Variants in CEP43 observed in about 807,000 individuals in gnomAD.
CEP43 encodes the protein centrosomal protein 43.
CEP43 carries 36 observed loss-of-function variants against 52.6 expected under a neutral mutation model. The observed-to-expected ratio is 0.68, with a 90% CI of 0.52 to 0.90. CEP43 has a LOEUF of 0.90. Among genes scored for constraint, CEP43 ranks in the 40% least tolerant of loss-of-function variants. The pLI, the probability that CEP43 is intolerant of heterozygous loss-of-function variation, is 0.00. For synonymous variants in CEP43, 192 were observed against 172.4 expected (o/e 1.11, Z -0.89); for missense variants, 506 against 472.8 (o/e 1.07, Z -0.65).
chr6:167,030,802 A>G (rs73030112), intron 10 of CEP43, among the ~76,000 whole-genome samples: 2,784 of 152,072 alleles, frequency 0.018, 46 homozygotes, highest in East Asian at 0.091. Flanking sequence ...TCTCTGGGAA[A>G]ACAGAAGTGA....
rs1780810415 is a variant in CEP43, at chr6:167,047,143, A to G, written c.*7165A>G. On this transcript the variant is annotated 3_prime_UTR_variant, in exon 13 of 13. Coordinates refer to ENST00000366847, the MANE Select transcript of CEP43 (RefSeq NM_007045.4). Reference sequence around the variant, plus strand: ...ACCTTCTTCAGAGAGGGGATGTTCAATGCGAAATTTGAACATTGGGACCTG... The same window carrying G: ...ACCTTCTTCAGAGAGGGGATGTTCAGTGCGAAATTTGAACATTGGGACCTG... 6.6e-6 allele frequency: 1 copy of G among 152,296 alleles called. No homozygotes were observed. The highest frequency in any genetic ancestry group is 1.5e-5 in the Non-Finnish European group (1 of 68,120). 9.4% of individuals were successfully genotyped at this position (152,296 alleles called of 1,614,324 possible). A position where few individuals can be genotyped will look rare whatever the true frequency, so the allele number is the denominator to read the frequency against.
rs892262316 is a variant in CEP43, at chr6:167,041,508, G to A, written c.*1530G>A. The stretch of plus-strand genomic sequence containing the variant: ...TAATCTTGTTGCAGTCCCCCAGTGT[G>A]GTTGTTATAAAATGCATTTCTTTGT... On this transcript the variant is annotated 3_prime_UTR_variant, in exon 13 of 13. Coordinates refer to ENST00000366847, the MANE Select transcript of CEP43 (RefSeq NM_007045.4). 3.8e-6 allele frequency: 4 copies of A among 1,055,000 alleles called. No individual in the cohort carries two copies. In the African/African-American group the frequency reaches 6.6e-5, roughly 17 times the overall value. The allele number at this position is 1,055,000 out of a possible 1,614,324, so 65.4% of individuals were successfully genotyped here. A position where few individuals can be genotyped will look rare whatever the true frequency, so the allele number is the denominator to read the frequency against.
Position 166,999,709 on chromosome 6 carries a change from C to T in CEP43, c.102+195C>T, listed in dbSNP as rs1003856888. 12 of 485,760 alleles carry T rather than the reference C, an allele frequency of 2.5e-5. 1 individual carries two copies. The South Asian group carries it at 3.2e-4, about 13-fold the overall frequency. The allele number at this position is 485,760 out of a possible 1,614,324, so 30.1% of individuals were successfully genotyped here. A position where few individuals can be genotyped will look rare whatever the true frequency, so the allele number is the denominator to read the frequency against. On this transcript the variant is annotated intron_variant, in intron 1 of 12. Transcript: ENST00000366847. ...GTCGGCTCGTTCGTTCGTGTGGTCC[C>T]GGAGGGCACCGCGGACTGGGGGTGC... is the stretch of plus-strand genomic sequence containing the variant.
Position 167,044,313 on chromosome 6 carries a change from T to A in CEP43, c.*4335T>A, listed in dbSNP as rs1300060601. On this transcript the variant is annotated 3_prime_UTR_variant, in exon 13 of 13. Transcript: ENST00000366847. ...AAATGATTTTTGACTAAAAAATTGT[T>A]GGCCTAAGATAATTCAGTAGCAGGG... 1.4e-6 allele frequency: 1 copy of A among 725,834 alleles called. No individual in the cohort carries two copies. The highest frequency in any genetic ancestry group is 1.3e-4 in the East Asian group (1 of 7,634). 45.0% of individuals were successfully genotyped at this position (725,834 alleles called of 1,614,324 possible).
At chr6:167,029,077 G>GT (rs1780413308) in intron 10 of CEP43, among the ~76,000 whole-genome samples, 3 of 151,996 alleles carry the variant, frequency 2.0e-5, no homozygotes, top group Non-Finnish European at 2.9e-5. Flanking sequence ...GTGTTTTTTT[G>GT]TTTTTTTGTT....
rs192019218 is a variant in CEP43, at chr6:167,041,535, A to G, written c.*1557A>G. Reference sequence around the variant, plus strand: ...TTGTTATAAAATGCATTTCTTTGTAAGTCATCTCTGTAAACAGTCACTTTC... The same window carrying G: ...TTGTTATAAAATGCATTTCTTTGTAGGTCATCTCTGTAAACAGTCACTTTC... On this transcript the variant is annotated 3_prime_UTR_variant, in exon 13 of 13. Transcript: ENST00000366847. 63 of 1,052,172 alleles carry G rather than the reference A, an allele frequency of 6.0e-5. No individual in the cohort carries two copies. Among genetic ancestry groups the G allele is most frequent in the Non-Finnish European group, 7.2e-5 (63 of 870,952 alleles). The allele number at this position is 1,052,172 out of a possible 1,614,324, so 65.2% of individuals were successfully genotyped here. A position where few individuals can be genotyped will look rare whatever the true frequency, so the allele number is the denominator to read the frequency against.
chr6:167,018,801 A>G (rs1780159133), intron 7 of CEP43, among the ~76,000 whole-genome samples: 1 of 152,224 alleles, frequency 6.6e-6, no homozygotes. Flanking sequence ...AAACCCAAGT[A>G]ACTGAAGTTT....
intron 7 of CEP43, among the ~76,000 whole-genome samples, chr6:167,016,373 C>T (rs1286973837): frequency 1.3e-5 from 2 of 152,106 alleles, no homozygotes; most frequent in Non-Finnish European, 2.9e-5. Flanking sequence ...CCACTTCAGC[C>T]TCTTGGGTAG....
rs536498308 is a variant in CEP43 at position 167,051,381 on chromosome 6, A to C, written c.*11403A>C. ...GCAGGGCTATTATCATCTAAACTATAAACTATAATCGTTTGTCCCAAAGTT... is the reference window on the plus strand; with the variant it reads ...GCAGGGCTATTATCATCTAAACTATCAACTATAATCGTTTGTCCCAAAGTT... On this transcript the variant is annotated 3_prime_UTR_variant, in exon 13 of 13. Coordinates refer to ENST00000366847, the MANE Select transcript of CEP43 (RefSeq NM_007045.4). 1 of 152,384 alleles carries C rather than the reference A, an allele frequency of 6.6e-6. No homozygotes were observed. The highest frequency in any genetic ancestry group is 1.9e-4 in the East Asian group (1 of 5,184). The allele number at this position is 152,384 out of a possible 1,614,324, so 9.4% of individuals were successfully genotyped here.
At chr6:167,024,454 C>T (rs1780308201) in intron 8 of CEP43, among the ~76,000 whole-genome samples, 1 of 152,084 alleles carries the variant, frequency 6.6e-6, no homozygotes, top group African/African-American at 2.4e-5. Flanking sequence ...TAGTAAACTC[C>T]TGTATTGTCC....
At chr6:167,021,180 A>G (rs1428110724) in intron 7 of CEP43, among the ~76,000 whole-genome samples, 1 of 152,188 alleles carries the variant, frequency 6.6e-6, no homozygotes, top group African/African-American at 2.4e-5. Flanking sequence ...ATTTTACACA[A>G]TACTGCTCTC....
At chr6:167,019,233 C>CTGTTGTGGG (rs1780169729) in intron 7 of CEP43, among the ~76,000 whole-genome samples, 1 of 152,150 alleles carries the variant, frequency 6.6e-6, no homozygotes, top group Non-Finnish European at 1.5e-5. Flanking sequence ...CATCTGTGCA[C>CTGTTGTGGG]ATGCATACAC....
In CEP43 at chr6:167,041,333, A is replaced by C. The variant is rs1583296392; in HGVS notation, c.*1355A>C. The C allele has an allele frequency of 9.5e-7, 1 of 1,056,374 alleles. No individual in the cohort carries two copies. The highest frequency in any genetic ancestry group is 1.1e-6 in the Non-Finnish European group (1 of 873,622). The allele number at this position is 1,056,374 out of a possible 1,614,324, so 65.4% of individuals were successfully genotyped here. A position where few individuals can be genotyped will look rare whatever the true frequency, so the allele number is the denominator to read the frequency against. On this transcript the variant is annotated 3_prime_UTR_variant, in exon 13 of 13. Transcript: ENST00000366847. ...AATCTGGCTTTTTAAAATTTAAGTG[A>C]AACTAAGCTGTAAACATCAAGAGGA...
rs745588660 is a variant in CEP43, at chr6:167,003,226, A to G, written c.190A>G (p.Lys64Glu). Residue 64 changes from lysine to glutamate, a missense_variant, in exon 3 of 13, where the codon AAG (lysine) becomes GAG (glutamate). Physicochemically the swap from Lys to Glu is moderately conservative, Grantham distance 56. Transcript: ENST00000366847. ...TCCTTTAGTTAATGAGAGCCTGAAA[A>G]AGTTTTTAAATACCAAAGACGGTAA... ...KTPLVNESLK[K>E]FLNTKDGRLV... The G allele has an allele frequency of 4.6e-6, 7 of 1,510,914 alleles. No homozygotes were observed. In the South Asian group the frequency reaches 8.9e-5, roughly 19 times the overall value. 93.6% of individuals were successfully genotyped at this position (1,510,914 alleles called of 1,614,324 possible). A position where few individuals can be genotyped will look rare whatever the true frequency, so the allele number is the denominator to read the frequency against.
rs1780867039 is a variant in CEP43, at chr6:167,051,300, T to G, written c.*11322T>G. The stretch of plus-strand genomic sequence containing the variant: ...CTTAGTAGAATTCAGGCCCCTCACT[T>G]CCTCCTAACCTGGTAGCCTTTCATT... On this transcript the variant is annotated 3_prime_UTR_variant, in exon 13 of 13. Transcript: ENST00000366847. 1.3e-5 allele frequency: 2 copies of G among 152,184 alleles called. No homozygotes were observed. The highest frequency in any genetic ancestry group is 4.1e-4 in the South Asian group (2 of 4,828). 9.4% of individuals were successfully genotyped at this position (152,184 alleles called of 1,614,324 possible). A position where few individuals can be genotyped will look rare whatever the true frequency, so the allele number is the denominator to read the frequency against.
Position 167,040,864 on chromosome 6 carries a change from C to T in CEP43, c.*886C>T, listed in dbSNP as rs1468853402. 1 of 1,024,480 alleles carries T rather than the reference C, an allele frequency of 9.8e-7. No individual in the cohort carries two copies. The allele number at this position is 1,024,480 out of a possible 1,614,324, so 63.5% of individuals were successfully genotyped here. ...TGGCCTAAGACCATGTTCAGTTTGA[C>T]AAGCTTTATATACTGTACATAATTT... On this transcript the variant is annotated 3_prime_UTR_variant, in exon 13 of 13. Transcript: ENST00000366847.
intron 5 of CEP43, among the ~76,000 whole-genome samples, chr6:167,006,376 G>A (rs1047589848): frequency 3.3e-5 from 5 of 152,086 alleles, no homozygotes; most frequent in South Asian, 2.1e-4. Context: ...TTAGCTGGGC[G>A]CGGTGGTGTG....
At chr6:167,023,797 T>C (rs1484079294) in intron 8 of CEP43, among the ~76,000 whole-genome samples, 1 of 152,114 alleles carries the variant, frequency 6.6e-6, no homozygotes, top group Non-Finnish European at 1.5e-5. Flanking sequence ...GATTTAGCCA[T>C]CTGGAGGTCA....
In CEP43 at chr6:167,047,094, A is replaced by T. The variant is rs1045316658; in HGVS notation, c.*7116A>T. The T allele has an allele frequency of 3.3e-5, 5 of 152,290 alleles. No individual in the cohort carries two copies. The highest frequency in any genetic ancestry group is 3.3e-4 in the Admixed American group (5 of 15,282). 9.4% of individuals were successfully genotyped at this position (152,290 alleles called of 1,614,324 possible). ...CTGGGAGAATGCCTGTGTGCTCTGC[A>T]TGGGGATGTAAAGGTGTGAGCAAAC... On this transcript the variant is annotated 3_prime_UTR_variant, in exon 13 of 13. Transcript: ENST00000366847.
Sources: allele counts gnomAD v4.1 joint callset (sites outside exome capture counted in the v4.1 genomes callset), GRCh38; gene constraint gnomAD v4.1.1; transcripts MANE v1.5; gene names NCBI Gene and HGNC (gene_info 2026-07-23, HGNC 2026-07-21).